Variants in SLC4A5 observed in about 807,000 individuals in gnomAD.
The protein encoded by SLC4A5 is electrogenic sodium bicarbonate cotransporter 4.
Under a neutral mutation model 120.4 loss-of-function variants are expected in SLC4A5, and 96 were observed. That is an observed-to-expected ratio of 0.80 (90% CI 0.68 to 0.94). The LOEUF (loss-of-function observed/expected upper bound fraction) is 0.94, where lower values mean the gene tolerates loss of function less well. Ranked by LOEUF, SLC4A5 falls within the 40% of genes least tolerant of loss-of-function variation. SLC4A5 has a pLI of 0.00. For synonymous variants in SLC4A5, 550 were observed against 571.1 expected (o/e 0.96, Z 0.53); for missense variants, 1,259 against 1,459.5 (o/e 0.86, Z 2.24).
Position 74,227,510 on chromosome 2 carries a change from T to C in SLC4A5, c.2916+300A>G, listed in dbSNP as rs751607162. The C allele has an allele frequency of 5.0e-6, 8 of 1,611,514 alleles. No individual in the cohort carries two copies. In the South Asian group the frequency reaches 6.6e-5, roughly 13 times the overall value. ...GGGAAGAGAGAGAGGTACAGTGAAA[T>C]GCTCACTGGAGTCAGCTTCTTCTGG... On this transcript the variant is annotated intron_variant, in intron 26 of 30. Transcript: ENST00000394019.
intron 7 of SLC4A5, among the ~76,000 whole-genome samples, chr2:74,294,137 T>G (rs1030896868): frequency 6.6e-6 from 1 of 152,112 alleles, no homozygotes; most frequent in Non-Finnish European, 1.5e-5. Context: ...AAGGCCTAAG[T>G]ATGTTGGGGG....
At chr2:74,284,687 T>C (rs1671925888) in intron 8 of SLC4A5, among the ~76,000 whole-genome samples, 1 of 152,118 alleles carries the variant, frequency 6.6e-6, no homozygotes, top group African/African-American at 2.4e-5. Flanking sequence ...TGGGCACTGC[T>C]GAACAGTCCA....
chr2:74,333,296 C>T lies in SLC4A5; in HGVS notation c.-70+731G>A, dbSNP rs200213587. On this transcript the variant is annotated intron_variant, in intron 4 of 30. Transcript: ENST00000394019. ...TCAAGAAATCCTGGATTAGGGCATTCAGTCTCTGGTTCTAGGCTCTCACTC... is the reference window on the plus strand; with the variant it reads ...TCAAGAAATCCTGGATTAGGGCATTTAGTCTCTGGTTCTAGGCTCTCACTC... Among the ~76,000 whole-genome samples, 121 of 152,180 alleles carry T rather than the reference C, an allele frequency of 8.0e-4. 1 individual carries two copies. The East Asian group carries it at 0.018, about 22-fold the overall frequency.
At chr2:74,309,856 G>T (rs1207159076) in intron 6 of SLC4A5, among the ~76,000 whole-genome samples, 1 of 151,688 alleles carries the variant, frequency 6.6e-6, no homozygotes, top group African/African-American at 2.4e-5. Context: ...TAGAGACGGG[G>T]TTTCACCGTG....
chr2:74,239,428 G>T, exon 21 of SLC4A5: 2 of 1,614,206 alleles, frequency 1.2e-6, no homozygotes, highest in Non-Finnish European at 1.7e-6. Flanking sequence ...TGAGCGCCAG[G>T]TCTGGGATAA....
chr2:74,231,167 C>T lies in SLC4A5; in HGVS notation c.2847+69G>A. The T allele has an allele frequency of 2.0e-6, 3 of 1,477,734 alleles. No individual in the cohort carries two copies. The South Asian group carries it at 3.8e-5, about 19-fold the overall frequency. The allele number at this position is 1,477,734 out of a possible 1,614,324, so 91.5% of individuals were successfully genotyped here. A position where few individuals can be genotyped will look rare whatever the true frequency, so the allele number is the denominator to read the frequency against. The stretch of plus-strand genomic sequence containing the variant: ...TGATCCCTAGCCATGTGGGGACCCC[C>T]TCCCTGCCTAAGGCATCCGCTCTGC... On this transcript the variant is annotated intron_variant, in intron 25 of 30. Coordinates refer to ENST00000394019, the Ensembl canonical transcript of SLC4A5.
chr2:74,343,124 T>A (rs1276039413), intron 1 of SLC4A5, among the ~76,000 whole-genome samples: 2 of 152,222 alleles, frequency 1.3e-5, no homozygotes, highest in Non-Finnish European at 2.9e-5. Flanking sequence ...GTCATTCCGT[T>A]ACTTGTCCTT....
intron 7 of SLC4A5, among the ~76,000 whole-genome samples, chr2:74,304,129 G>A (rs544270691): frequency 4.6e-5 from 7 of 152,270 alleles, no homozygotes; most frequent in Admixed American, 1.3e-4. Context: ...GATTACAGGC[G>A]TGAGCCACCG....
At chr2:74,262,111 C>G in intron 11 of SLC4A5, 26 bp downstream of exon 11, 1 of 1,604,690 alleles carries the variant, frequency 6.2e-7, no homozygotes. Context: ...ATAAAGCTGC[C>G]ACAGAGCGGC....
chr2:74,244,345 T>G (rs533184121), intron 19 of SLC4A5, among the ~76,000 whole-genome samples: 1 of 152,172 alleles, frequency 6.6e-6, no homozygotes, highest in African/African-American at 2.4e-5. Context: ...GCTTGGACCC[T>G]ACTCCAGAGT....
rs772914776 is a variant in SLC4A5 at position 74,241,976 on chromosome 2, T to C, written c.2118+18A>G. On this transcript the variant is annotated intron_variant, in intron 20 of 30. Coordinates refer to ENST00000394019, the Ensembl canonical transcript of SLC4A5. ...AACAAAAGCACTCAAATGTCTAACA[T>C]AAGAGGAAAGGACTTACCAGAGAAG... 1 of 1,597,202 alleles carries C rather than the reference T, an allele frequency of 6.3e-7. No homozygotes were observed. Among genetic ancestry groups the C allele is most frequent in the South Asian group, 1.1e-5 (1 of 90,622 alleles).
At chr2:74,327,457 C>T (rs1673243512) in intron 5 of SLC4A5, among the ~76,000 whole-genome samples, 1 of 152,190 alleles carries the variant, frequency 6.6e-6, no homozygotes, top group Admixed American at 6.5e-5. Context: ...GAAAGGCTAC[C>T]CTCTCAACCC....
chr2:74,261,148 T>C (rs1473650491), intron 11 of SLC4A5, among the ~76,000 whole-genome samples: 1 of 152,180 alleles, frequency 6.6e-6, no homozygotes, highest in Non-Finnish European at 1.5e-5. Context: ...GAATATGACC[T>C]GGTTCACACA....
intron 7 of SLC4A5, among the ~76,000 whole-genome samples, chr2:74,294,954 A>G (rs562754805): frequency 1.3e-5 from 2 of 152,290 alleles, no homozygotes; most frequent in East Asian, 3.9e-4. Flanking sequence ...TACAGGTGTG[A>G]GCCACCATGC....
intron 6 of SLC4A5, among the ~76,000 whole-genome samples, chr2:74,311,872 C>T (rs1013248553): frequency 1.3e-5 from 2 of 152,070 alleles, no homozygotes; most frequent in African/African-American, 2.4e-5. Flanking sequence ...TTCTGCCTGC[C>T]GGATCTGTCA....
chr2:74,222,792 T>A, intron 29 of SLC4A5, 76 bp downstream of exon 29: 1 of 1,302,086 alleles, frequency 7.7e-7, no homozygotes, highest in South Asian at 1.2e-5. Context: ...CCCCCTGAGT[T>A]ACAGATGAAA....
At chr2:74,282,858 C>T (rs1558893775) in intron 8 of SLC4A5, among the ~76,000 whole-genome samples, 1 of 152,202 alleles carries the variant, frequency 6.6e-6, no homozygotes, top group Admixed American at 6.5e-5. Flanking sequence ...TCTGAGAAGG[C>T]CCTGCCCAGA....
At chr2:74,219,204 TGTGTGTGTG>T (rs1694541470) in intron 30 of SLC4A5, among the ~76,000 whole-genome samples, 1 of 117,664 alleles carries the variant, frequency 8.5e-6, no homozygotes, top group South Asian at 2.2e-4. Flanking sequence ...TGTGTGTGTG[TGTGTGTGTG>T]TGTGTGTTTG....
At chr2:74,325,453 TAGA>T (rs1673196395) in intron 5 of SLC4A5, among the ~76,000 whole-genome samples, 1 of 152,154 alleles carries the variant, frequency 6.6e-6, no homozygotes, top group South Asian at 2.1e-4. Context: ...TATGCAGAAG[TAGA>T]AGAACCCAAA....
Sources: allele counts gnomAD v4.1 joint callset (sites outside exome capture counted in the v4.1 genomes callset), GRCh38; gene constraint gnomAD v4.1.1; transcripts MANE v1.5; gene names NCBI Gene and HGNC (gene_info 2026-07-23, HGNC 2026-07-21).